Variants in CNGB3 observed in about 807,000 individuals in gnomAD.
CNGB3 encodes the protein cyclic nucleotide-gated channel beta-3.
CNGB3 carries 86 observed loss-of-function variants against 92.8 expected under a neutral mutation model. The ratio of observed to expected loss-of-function variants is 0.93; its 90% CI spans 0.78 to 1.11. The LOEUF is 1.11. Ranked by LOEUF, CNGB3 falls within the 50% of genes least tolerant of loss-of-function variation. The probability of loss-of-function intolerance (pLI) is 0.00; values close to 1 mark genes in which losing one functional copy is unlikely to be tolerated. For synonymous variants in CNGB3, 333 were observed against 332.7 expected, an observed-to-expected ratio of 1.00 and a Z score of -0.01; for missense variants, 1,026 against 956.8, an observed-to-expected ratio of 1.07 and a Z score of -0.95.
chr8:86,656,368 A>G (rs2131604793), intron 6 of CNGB3, among the ~76,000 whole-genome samples: 1 of 152,342 alleles, frequency 6.6e-6, no homozygotes, highest in African/African-American at 2.4e-5. Flanking sequence ...CTATGATTCT[A>G]TGATTGAATA....
intron 2 of CNGB3, among the ~76,000 whole-genome samples, chr8:86,727,409 C>T (rs1466617304): frequency 1.3e-5 from 2 of 152,040 alleles, no homozygotes; most frequent in Non-Finnish European, 2.9e-5. Flanking sequence ...CACTTGCATT[C>T]TACATTTTTA....
intron 6 of CNGB3, chr8:86,659,375 G>A (rs1199074227): frequency 1.1e-5 from 9 of 845,310 alleles, no homozygotes; most frequent in Non-Finnish European, 1.8e-5. Context: ...ACTGGCTTGA[G>A]GACTATTGAA....
At chr8:86,593,100 G>C (rs563057707) in intron 15 of CNGB3, among the ~76,000 whole-genome samples, 3 of 152,296 alleles carry the variant, frequency 2.0e-5, no homozygotes, top group Admixed American at 2.0e-4. Context: ...TTTGAGGAAT[G>C]TCTGCACATA....
chr8:86,609,464 T>A (rs937816848), intron 14 of CNGB3, among the ~76,000 whole-genome samples: 3 of 152,230 alleles, frequency 2.0e-5, no homozygotes, highest in African/African-American at 7.2e-5. Flanking sequence ...CTCTTCCATT[T>A]TCCCCCTTCA....
chr8:86,735,042 G>GT lies in CNGB3; in HGVS notation c.211+4612dup, dbSNP rs60107723. Reference sequence around the variant, plus strand: ...CATGTCAAATTCTCAAATGCCGGTGGTTTTTTTTTTTTTTTTTTTTTTTTT... The same window carrying GT: ...CATGTCAAATTCTCAAATGCCGGTGGTTTTTTTTTTTTTTTTTTTTTTTTTT... On this transcript the variant is annotated intron_variant, in intron 2 of 17. Transcript: ENST00000320005. Among the ~76,000 whole-genome samples the GT allele has an allele frequency of 5.0e-3, 426 of 85,854 alleles. 26 individuals carry two copies. Among genetic ancestry groups the GT allele is most frequent in the Non-Finnish European group, 6.4e-3 (308 of 47,902 alleles). The allele number at this position is 85,854 out of a possible 152,430, so 56.3% of individuals were successfully genotyped here. A position where few individuals can be genotyped will look rare whatever the true frequency, so the allele number is the denominator to read the frequency against.
At chr8:86,594,832 C>G (rs1038147244) in intron 15 of CNGB3, among the ~76,000 whole-genome samples, 2 of 152,190 alleles carry the variant, frequency 1.3e-5, no homozygotes, top group African/African-American at 2.4e-5. Flanking sequence ...CCTCAGCCTC[C>G]CGAGTAGCTG....
intron 13 of CNGB3, among the ~76,000 whole-genome samples, chr8:86,615,806 G>A (rs59477504): frequency 0.13 from 20,005 of 151,920 alleles, 1,758 homozygotes; most frequent in African/African-American, 0.25. Flanking sequence ...GAGGAGTGGC[G>A]GGATATCCTC....
intron 10 of CNGB3, among the ~76,000 whole-genome samples, chr8:86,638,350 G>A (rs1043752668): frequency 2.0e-4 from 30 of 152,096 alleles, no homozygotes; most frequent in African/African-American, 7.2e-4. Flanking sequence ...CAATATGTGA[G>A]TTCCAGTAAC....
rs1228506931 is a variant in CNGB3, at chr8:86,632,645, AAAG to A, written c.1320+104_1320+106del. The A allele has an allele frequency of 9.1e-6, 11 of 1,210,132 alleles. No homozygotes were observed. The Admixed American group carries it at 2.4e-4, about 26-fold the overall frequency. 75.0% of individuals were successfully genotyped at this position (1,210,132 alleles called of 1,614,324 possible). ...AAAATAGAAGAAAGTTAGTTCAAAA[AAAG>A]AAGAACCAGACAGATTTTAATTTTT... On this transcript the variant is annotated intron_variant, in intron 11 of 17. Transcript: ENST00000320005.
intron 2 of CNGB3, among the ~76,000 whole-genome samples, chr8:86,737,138 A>G (rs1825261992): frequency 6.6e-6 from 1 of 152,218 alleles, no homozygotes; most frequent in South Asian, 2.1e-4. Flanking sequence ...TGTAAGAACA[A>G]GTATCCTCTA....
intron 12 of CNGB3, among the ~76,000 whole-genome samples, chr8:86,627,992 T>C (rs1333993394): frequency 6.6e-6 from 1 of 152,230 alleles, no homozygotes; most frequent in Non-Finnish European, 1.5e-5. Context: ...TAATTACTAG[T>C]AAGTATAGTT....
intron 10 of CNGB3, among the ~76,000 whole-genome samples, chr8:86,639,409 T>C (rs918005273): frequency 6.6e-6 from 1 of 152,100 alleles, no homozygotes; most frequent in African/African-American, 2.4e-5. Context: ...TAAATAAAAA[T>C]GCCTTCTATT....
At chr8:86,652,806 A>G (rs1823432280) in intron 7 of CNGB3, among the ~76,000 whole-genome samples, 1 of 152,112 alleles carries the variant, frequency 6.6e-6, no homozygotes, top group Non-Finnish European at 1.5e-5. Flanking sequence ...AGGCTGTTTT[A>G]CAATTAACTT....
In CNGB3 at chr8:86,673,767, T is replaced by C. The variant is rs550377599; in HGVS notation, c.339-2669A>G. 1.1e-4 allele frequency among the ~76,000 whole-genome samples: 15 copies of C among 131,614 alleles called. No homozygotes were observed. In the South Asian group the frequency reaches 4.1e-3, roughly 36 times the overall value. 86.3% of individuals were successfully genotyped at this position (131,614 alleles called of 152,430 possible). A position where few individuals can be genotyped will look rare whatever the true frequency, so the allele number is the denominator to read the frequency against. On this transcript the variant is annotated intron_variant, in intron 3 of 17. Coordinates refer to ENST00000320005, the MANE Select transcript of CNGB3 (RefSeq NM_019098.5). Reference sequence around the variant, plus strand: ...AAATAGGAATTCAGGAAGCAGATGTTTGTATGAAGTAGCGGCATGAAAAAA... The same window carrying C: ...AAATAGGAATTCAGGAAGCAGATGTCTGTATGAAGTAGCGGCATGAAAAAA...
chr8:86,594,541 A>G, intron 15 of CNGB3: 1 of 335,620 alleles, frequency 3.0e-6, no homozygotes, highest in Admixed American at 3.8e-5. Flanking sequence ...GGTCCACTTC[A>G]GGTCGGTAGA....
Position 86,702,271 on chromosome 8 carries a change from G to C in CNGB3, c.338+24260C>G, listed in dbSNP as rs1450610835. On this transcript the variant is annotated intron_variant, in intron 3 of 17. Coordinates refer to ENST00000320005, the MANE Select transcript of CNGB3 (RefSeq NM_019098.5). ...CGGAAGATCAATGAATCAGTAATCT[G>C]TTCTGCAGCATGGCAGAATCCACTA... Among the ~76,000 whole-genome samples, 6 of 152,236 alleles carry C rather than the reference G, an allele frequency of 3.9e-5. No individual in the cohort carries two copies. In the East Asian group the frequency reaches 1.2e-3, roughly 29 times the overall value.
intron 7 of CNGB3, among the ~76,000 whole-genome samples, chr8:86,648,411 G>C (rs2131597942): frequency 6.6e-6 from 1 of 151,228 alleles, no homozygotes; most frequent in African/African-American, 2.4e-5. Context: ...CCAATAAACT[G>C]CTTTAAAAGT....
At chr8:86,582,107 T>TAAAC (rs1821798498) in intron 15 of CNGB3, among the ~76,000 whole-genome samples, 1 of 151,590 alleles carries the variant, frequency 6.6e-6, no homozygotes, top group Admixed American at 6.6e-5. Context: ...TTGGAGTTAT[T>TAAAC]AGGAAATATT....
At chr8:86,662,077 G>C (rs1823652596) in intron 6 of CNGB3, among the ~76,000 whole-genome samples, 1 of 152,112 alleles carries the variant, frequency 6.6e-6, no homozygotes. Context: ...TGCCGCCGCC[G>C]CCAACTCAGT....
Sources: gnomAD v4.1 joint callset for allele counts (sites outside exome capture counted in the v4.1 genomes callset) on GRCh38, gnomAD v4.1.1 for gene constraint, MANE v1.5 for transcripts, NCBI Gene and HGNC (gene_info 2026-07-23, HGNC 2026-07-21) for gene names.